The following PIKFYVE variants were observed in gnomAD, a reference collection of about 807,000 sequenced individuals.
PIKFYVE encodes phosphoinositide kinase, FYVE-type zinc finger containing, also known as 1-phosphatidylinositol 3-phosphate 5-kinase.
In PIKFYVE, 122 loss-of-function variants were observed where a neutral mutation model predicts 257.9. The observed-to-expected ratio is 0.47, with a 90% CI of 0.41 to 0.55. The LOEUF (loss-of-function observed/expected upper bound fraction) is 0.55. Ranked by LOEUF, PIKFYVE falls within the 20% of genes least tolerant of loss-of-function variation. The pLI, the probability that PIKFYVE is intolerant of heterozygous loss-of-function variation, is 0.00. For missense variants in PIKFYVE, 2,160 were observed against 2,536.6 expected, an observed-to-expected ratio of 0.85 and a Z score of 3.19; for synonymous variants, 892 against 868.9, an observed-to-expected ratio of 1.03 and a Z score of -0.47.
At chr2:208,306,791 T>C (rs572918987) in intron 12 of PIKFYVE, among the ~76,000 whole-genome samples, 36 of 148,448 alleles carry the variant, frequency 2.4e-4, no homozygotes, top group African/African-American at 8.6e-4. Flanking sequence ...TTTTTTTTTT[T>C]CTAAGAGACA....
Position 208,348,020 on chromosome 2 carries a change from C to T in PIKFYVE, c.5371C>T (p.Gln1791Ter), listed in dbSNP as rs1265947610. The T allele has an allele frequency of 6.2e-7, 1 of 1,613,948 alleles. No individual in the cohort carries two copies. Residue 1791 changes from glutamine (Q) to a stop codon, truncating the protein, a stop_gained, in exon 35 of 42, where the codon CAA (glutamine) becomes TAA (stop). Coordinates refer to ENST00000264380, the MANE Select transcript of PIKFYVE (RefSeq NM_015040.4). LOFTEE classifies it high-confidence loss of function. ...GACCGAGAATCAAGGCGTTGAGCCT[C>T]AAGGTGTGTTAAAGAAGAGTAAATG... ...EGTENQGVEPQDEVDGGDTQK... is the reference protein window; with the variant it reads ...EGTENQGVEP
rs1700266549 is a variant in PIKFYVE at position 208,358,188 on chromosome 2, A to C, written c.*2883A>C. On this transcript the variant is annotated 3_prime_UTR_variant, in exon 42 of 42. Coordinates refer to ENST00000264380, the MANE Select transcript of PIKFYVE (RefSeq NM_015040.4). ...CAGCTTTTGTGATGGCATTGTGGTCATCAGCTTCATGACATTTTACCCATT... is the reference window on the plus strand; with the variant it reads ...CAGCTTTTGTGATGGCATTGTGGTCCTCAGCTTCATGACATTTTACCCATT... The C allele has an allele frequency of 6.6e-6, 1 of 152,588 alleles. No homozygotes were observed. Among genetic ancestry groups the C allele is most frequent in the Non-Finnish European group, 1.5e-5 (1 of 68,034 alleles). 9.5% of individuals were successfully genotyped at this position (152,588 alleles called of 1,614,324 possible).
chr2:208,352,898 G>A, intron 39 of PIKFYVE, 116 bp downstream of exon 39: 1 of 1,315,080 alleles, frequency 7.6e-7, no homozygotes, highest in Admixed American at 1.8e-5. Context: ...TTTAACTTTG[G>A]TTACTAGGCC....
chr2:208,289,742 G>T (rs978693536), intron 7 of PIKFYVE, among the ~76,000 whole-genome samples: 5 of 151,798 alleles, frequency 3.3e-5, no homozygotes, highest in Admixed American at 2.0e-4. Flanking sequence ...TTATTTTTTA[G>T]TAAAATACAG....
intron 12 of PIKFYVE, among the ~76,000 whole-genome samples, chr2:208,306,343 G>T (rs1467495373): frequency 6.6e-6 from 1 of 152,134 alleles, no homozygotes; most frequent in Non-Finnish European, 1.5e-5. Flanking sequence ...ACTATAGATG[G>T]TGGTCACTTG....
intron 5 of PIKFYVE, among the ~76,000 whole-genome samples, chr2:208,278,243 A>G (rs1297090691): frequency 6.6e-6 from 1 of 152,144 alleles, no homozygotes; most frequent in Non-Finnish European, 1.5e-5. Flanking sequence ...CAAAACTCCT[A>G]ACATCTCTCT....
At chr2:208,281,838 T>C (rs896840946) in intron 5 of PIKFYVE, among the ~76,000 whole-genome samples, 2 of 152,222 alleles carry the variant, frequency 1.3e-5, no homozygotes, top group African/African-American at 4.8e-5. Context: ...AACTTCAAGG[T>C]TGGTGATTCA....
At chr2:208,311,734 C>T (rs181208017) in intron 12 of PIKFYVE, among the ~76,000 whole-genome samples, 43 of 152,232 alleles carry the variant, frequency 2.8e-4, no homozygotes, top group Non-Finnish European at 5.1e-4. Context: ...TTTATTCCTG[C>T]CAATGTCACT....
At position 208,340,150 on chromosome 2, in the gene PIKFYVE, A is replaced by G; in HGVS notation, c.4931+19A>G. On this transcript the variant is annotated intron_variant, in intron 31 of 41. Coordinates refer to ENST00000264380, the MANE Select transcript of PIKFYVE (RefSeq NM_015040.4). ...TTCCTTTGTAAGTATTATTAAAACC[A>G]GTGGCTCTTAGCAGGGGGGTTATTT... is the stretch of plus-strand genomic sequence containing the variant. 1 of 1,613,430 alleles carries G rather than the reference A, an allele frequency of 6.2e-7. No individual in the cohort carries two copies.
At chr2:208,270,039 T>C (rs1395978290) in intron 1 of PIKFYVE, 2 of 144,816 alleles carry the variant, frequency 1.4e-5, no homozygotes, top group Non-Finnish European at 3.0e-5. Flanking sequence ...ACTACAGTAT[T>C]TTTTTTTTTT....
At chr2:208,317,485 C>G (rs1174521149) in intron 15 of PIKFYVE, among the ~76,000 whole-genome samples, 1 of 151,946 alleles carries the variant, frequency 6.6e-6, no homozygotes, top group Non-Finnish European at 1.5e-5. Context: ...TGGCCCAATA[C>G]AATTCTTCTT....
In PIKFYVE at chr2:208,343,481, C is replaced by T. The variant is rs183606529; in HGVS notation, c.5027+832C>T. 2.4e-3 allele frequency among the ~76,000 whole-genome samples: 358 copies of T among 152,272 alleles called. 1 individual carries two copies. Among genetic ancestry groups the T allele is most frequent in the Admixed American group, 3.9e-3 (60 of 15,300 alleles). On this transcript the variant is annotated intron_variant, in intron 32 of 41. Transcript: ENST00000264380. Reference sequence around the variant, plus strand: ...GAACCCTATAAATGCTATGTTTTTTCCTGTACATACATACCTATGATAAAG... The same window carrying T: ...GAACCCTATAAATGCTATGTTTTTTTCTGTACATACATACCTATGATAAAG...
rs1697459988 is a variant in PIKFYVE, at chr2:208,330,829, T to A, written c.3963+135T>A. 3 of 908,474 alleles carry A rather than the reference T, an allele frequency of 3.3e-6. No individual in the cohort carries two copies. In the Admixed American group the frequency reaches 7.7e-5, roughly 23 times the overall value. 56.3% of individuals were successfully genotyped at this position (908,474 alleles called of 1,614,324 possible). On this transcript the variant is annotated intron_variant, in intron 23 of 41. Coordinates refer to ENST00000264380, the MANE Select transcript of PIKFYVE (RefSeq NM_015040.4). ...TAGAGCTCTATTTGTCATTGTTATT[T>A]TACCTTCCAGTGCTGTATGTTCAAT...
Position 208,336,847 on chromosome 2 carries a change from C to A in PIKFYVE, c.4530C>A (p.Asp1510Glu), listed in dbSNP as rs540652772. ...VLQAWNNRLQ[D>E]LFQQEKGRKR... ...TTGCTTTTGGCCACAGGTTGCAGGA[C>A]CTTTTCCAACAGGAAAAGGGTAGAA... The change falls in exon 28 of 42, where the codon GAC becomes GAA. Residue 1510 changes from aspartate (D) to glutamate (E), a missense_variant. Physicochemically the swap from Asp to Glu is conservative, Grantham distance 45. Coordinates refer to ENST00000264380, the MANE Select transcript of PIKFYVE (RefSeq NM_015040.4). 1.2e-6 allele frequency: 2 copies of A among 1,612,266 alleles called. No individual in the cohort carries two copies. The highest frequency in any genetic ancestry group is 2.7e-5 in the African/African-American group (2 of 74,768).
At chr2:208,335,985 G>C (rs1453265789) in intron 26 of PIKFYVE, 61 bp from the exon 27 acceptor site, 7 of 1,602,212 alleles carry the variant, frequency 4.4e-6, no homozygotes, top group Non-Finnish European at 6.0e-6. Flanking sequence ...AATAATAGCA[G>C]TTTCTTTTGG....
At chr2:208,305,978 G>A (rs1037790089) in intron 12 of PIKFYVE, among the ~76,000 whole-genome samples, 10 of 152,030 alleles carry the variant, frequency 6.6e-5, no homozygotes, top group Admixed American at 4.6e-4. Context: ...TAAGTTTTGC[G>A]CACTCTATTT....
intron 9 of PIKFYVE, 84 bp downstream of exon 9, chr2:208,301,178 T>C: frequency 6.5e-7 from 1 of 1,534,132 alleles, no homozygotes; most frequent in Non-Finnish European, 8.9e-7. Context: ...GTTACAGATT[T>C]CTTTGTAGAG....
chr2:208,308,664 AG>A (rs1694624029), intron 12 of PIKFYVE, among the ~76,000 whole-genome samples: 1 of 150,466 alleles, frequency 6.6e-6, no homozygotes, highest in Non-Finnish European at 1.5e-5. Context: ...CAAAGAGTGT[AG>A]TGTATCTGGT....
intron 32 of PIKFYVE, among the ~76,000 whole-genome samples, chr2:208,344,486 T>C (rs1349507391): frequency 6.6e-6 from 1 of 152,194 alleles, no homozygotes; most frequent in East Asian, 1.9e-4. Flanking sequence ...AGTCATAATA[T>C]ATTAATAGGT....
Sources: gnomAD v4.1 joint callset for allele counts (sites outside exome capture counted in the v4.1 genomes callset) on GRCh38, gnomAD v4.1.1 for gene constraint, MANE v1.5 for transcripts, NCBI Gene and HGNC (gene_info 2026-07-23, HGNC 2026-07-21) for gene names.